The following SEMA5A variants were observed in gnomAD, a reference collection of about 807,000 sequenced individuals.
SEMA5A encodes the protein semaphorin 5A.
Under a neutral mutation model 135.5 loss-of-function variants are expected in SEMA5A, and 55 were observed. The ratio of observed to expected loss-of-function variants is 0.41; its 90% CI spans 0.33 to 0.51. The LOEUF (loss-of-function observed/expected upper bound fraction) is 0.51. Ranked by LOEUF, SEMA5A falls within the 20% of genes least tolerant of loss-of-function variation. SEMA5A has a pLI of 0.37. For synonymous variants in SEMA5A, 580 were observed against 546.5 expected, an observed-to-expected ratio of 1.06 and a Z score of -0.85; for missense variants, 1,290 against 1,419.9, an observed-to-expected ratio of 0.91 and a Z score of 1.47.
intron 1 of SEMA5A, among the ~76,000 whole-genome samples, chr5:9,459,379 C>A (rs948683392): frequency 2.0e-5 from 3 of 152,228 alleles, no homozygotes; most frequent in Admixed American, 6.5e-5. Context: ...GGCAGCTTCC[C>A]TTTCTCCCTG....
At chr5:9,488,022 G>A (rs1049707701) in intron 1 of SEMA5A, among the ~76,000 whole-genome samples, 1 of 152,042 alleles carries the variant, frequency 6.6e-6, no homozygotes, top group African/African-American at 2.4e-5. Context: ...TTATCCAGCT[G>A]TATTGCATAG....
intron 21 of SEMA5A, among the ~76,000 whole-genome samples, chr5:9,047,367 T>C (rs1736323316): frequency 6.6e-6 from 1 of 152,212 alleles, no homozygotes; most frequent in African/African-American, 2.4e-5. Flanking sequence ...ATATAGTCTT[T>C]GTGTCTCATG....
chr5:9,138,488 A>G (rs898508129), intron 12 of SEMA5A, among the ~76,000 whole-genome samples: 6 of 152,210 alleles, frequency 3.9e-5, no homozygotes, highest in Admixed American at 2.0e-4. Flanking sequence ...TTATTGCACT[A>G]TTCTTGTCAA....
Position 9,392,122 on chromosome 5 carries a change from G to A in SEMA5A, c.-77-12099C>T, listed in dbSNP as rs143405413. On this transcript the variant is annotated intron_variant, in intron 2 of 22. Transcript: ENST00000382496. The stretch of plus-strand genomic sequence containing the variant: ...CCCAAGGTCCCTTCTCACTATTCAG[G>A]TTTTACTAAAATGTCACCTCTACAG... Among the ~76,000 whole-genome samples the A allele has an allele frequency of 2.2e-3, 341 of 152,168 alleles. 2 individuals are homozygous for A. Among genetic ancestry groups the A allele is most frequent in the African/African-American group, 7.8e-3 (324 of 41,528 alleles).
chr5:9,199,676 G>A (rs528991857), intron 9 of SEMA5A, among the ~76,000 whole-genome samples: 13 of 152,178 alleles, frequency 8.5e-5, no homozygotes, highest in African/African-American at 2.2e-4. Context: ...ACCCCCCACC[G>A]CAACTTTACT....
Position 9,291,481 on chromosome 5 carries a change from T to C in SEMA5A, c.270+26891A>G, listed in dbSNP as rs1325869348. ...TCCAGTCTCTTGAAGGCAGGTGCCA[T>C]GTAAGAAGTTCAGCCATCCAGAGAC... On this transcript the variant is annotated intron_variant, in intron 5 of 22. Coordinates refer to ENST00000382496, the MANE Select transcript of SEMA5A (RefSeq NM_003966.3). Among the ~76,000 whole-genome samples, 4 of 152,132 alleles carry C rather than the reference T, an allele frequency of 2.6e-5. No homozygotes were observed. The East Asian group carries it at 5.8e-4, about 22-fold the overall frequency.
intron 1 of SEMA5A, among the ~76,000 whole-genome samples, chr5:9,538,268 C>T (rs1024468916): frequency 9.1e-5 from 10 of 109,956 alleles, no homozygotes; most frequent in Admixed American, 5.6e-4. Flanking sequence ...TCTCTAAGAG[C>T]GGGGCGGGGG....
chr5:9,194,262 C>G (rs1271248145), intron 10 of SEMA5A, among the ~76,000 whole-genome samples: 2 of 152,126 alleles, frequency 1.3e-5, no homozygotes, highest in African/African-American at 4.8e-5. Context: ...AAAAATGATA[C>G]TTTTTGTTGC....
chr5:9,350,064 C>T (rs755651344), intron 3 of SEMA5A, among the ~76,000 whole-genome samples: 2 of 152,174 alleles, frequency 1.3e-5, no homozygotes, highest in African/African-American at 2.4e-5. Flanking sequence ...AGTGGCTACA[C>T]GATTGGACAG....
intron 10 of SEMA5A, among the ~76,000 whole-genome samples, chr5:9,192,922 C>A (rs964260637): frequency 3.3e-5 from 5 of 151,836 alleles, no homozygotes; most frequent in African/African-American, 1.2e-4. Flanking sequence ...AAATAAGAAT[C>A]TCTTGCTGTT....
chr5:9,433,845 T>C (rs1757940234), intron 2 of SEMA5A, among the ~76,000 whole-genome samples: 1 of 152,334 alleles, frequency 6.6e-6, no homozygotes, highest in African/African-American at 2.4e-5. Flanking sequence ...TCTACAATAC[T>C]TTTACAAAGC....
chr5:9,168,246 T>C (rs2150300991), intron 11 of SEMA5A, among the ~76,000 whole-genome samples: 1 of 152,226 alleles, frequency 6.6e-6, no homozygotes, highest in South Asian at 2.1e-4. Flanking sequence ...TCCAGGTGCA[T>C]CCCTGAGACC....
intron 13 of SEMA5A, among the ~76,000 whole-genome samples, chr5:9,127,029 C>T (rs1237170170): frequency 3.9e-5 from 6 of 152,150 alleles, no homozygotes; most frequent in East Asian, 1.9e-4. Context: ...TCTCTGAATA[C>T]GAGGACAGGG....
At chr5:9,408,906 GAGCCTCAAGCCC>G (rs1305815495) in intron 2 of SEMA5A, among the ~76,000 whole-genome samples, 4 of 152,004 alleles carry the variant, frequency 2.6e-5, no homozygotes, top group African/African-American at 9.7e-5. Flanking sequence ...CTATTTTTAA[GAGCCTCAAGCCC>G]AGCCTCCCTC....
intron 8 of SEMA5A, among the ~76,000 whole-genome samples, chr5:9,207,736 G>A (rs1310143562): frequency 2.0e-5 from 3 of 151,998 alleles, no homozygotes; most frequent in African/African-American, 7.3e-5. Context: ...TTTTTATCTA[G>A]ATATTCATTA....
intron 8 of SEMA5A, among the ~76,000 whole-genome samples, chr5:9,220,896 C>T (rs916978518): frequency 6.6e-6 from 1 of 152,128 alleles, no homozygotes; most frequent in African/African-American, 2.4e-5. Context: ...ATGCAAAGGG[C>T]AGAGAAGATG....
intron 8 of SEMA5A, among the ~76,000 whole-genome samples, chr5:9,218,868 T>C (rs1746775743): frequency 6.6e-6 from 1 of 152,242 alleles, no homozygotes; most frequent in African/African-American, 2.4e-5. Context: ...ATCACTCATT[T>C]ATTCAGTCAA....
In SEMA5A at chr5:9,322,795, A is replaced by G. The variant is rs560871748; in HGVS notation, c.225-4378T>C. Among the ~76,000 whole-genome samples, 47 of 152,288 alleles carry G rather than the reference A, an allele frequency of 3.1e-4. No homozygotes were observed. The South Asian group carries it at 9.7e-3, about 32-fold the overall frequency. On this transcript the variant is annotated intron_variant, in intron 4 of 22. Transcript: ENST00000382496. Reference sequence around the variant, plus strand: ...TGCCTCAAGGCCCCACCTATTAGTTATTCAATGTCACCTTCCTAATTTCAC... The same window carrying G: ...TGCCTCAAGGCCCCACCTATTAGTTGTTCAATGTCACCTTCCTAATTTCAC...
intron 11 of SEMA5A, among the ~76,000 whole-genome samples, chr5:9,161,824 A>G (rs948199193): frequency 1.3e-5 from 2 of 152,246 alleles, no homozygotes; most frequent in African/African-American, 4.8e-5. Context: ...AAGTGTTTAA[A>G]AATCCCTGCA....
Sources: gnomAD v4.1 joint callset for allele counts (sites outside exome capture counted in the v4.1 genomes callset) on GRCh38, gnomAD v4.1.1 for gene constraint, MANE v1.5 for transcripts, NCBI Gene and HGNC (gene_info 2026-07-23, HGNC 2026-07-21) for gene names.